The following VGLL3 variants were observed in gnomAD, a reference collection of about 807,000 sequenced individuals.
The protein encoded by VGLL3 is vestigial like family member 3, also known as transcription cofactor vestigial-like protein 3.
In VGLL3, 18 loss-of-function variants were observed where a neutral mutation model predicts 29.2. The ratio of observed to expected loss-of-function variants is 0.62; its 90% confidence interval spans 0.43 to 0.91. The LOEUF is 0.91. Among genes scored for constraint, VGLL3 ranks in the 40% least tolerant of loss-of-function variants. VGLL3 has a pLI of 0.00. For missense variants in VGLL3, 440 were observed against 413.2 expected (o/e 1.06, Z -0.56); for synonymous variants, 180 against 151.8 (o/e 1.19, Z -1.36).
chr3:86,967,040 C>T (rs1053025452), intron 3 of VGLL3, among the ~76,000 whole-genome samples: 5 of 151,674 alleles, frequency 3.3e-5, no homozygotes, highest in Admixed American at 6.6e-5. Context: ...GTGAATCAAG[C>T]TCACACCAAA....
At chr3:86,957,733 T>C (rs1027713413) in intron 3 of VGLL3, among the ~76,000 whole-genome samples, 2 of 152,212 alleles carry the variant, frequency 1.3e-5, no homozygotes, top group Non-Finnish European at 2.9e-5. Flanking sequence ...CCAGGATTTT[T>C]ATGAGCCCCT....
At chr3:86,973,809 A>G (rs1371293187) in intron 2 of VGLL3, among the ~76,000 whole-genome samples, 2 of 152,182 alleles carry the variant, frequency 1.3e-5, no homozygotes, top group Non-Finnish European at 2.9e-5. Context: ...AGCAGACCCT[A>G]TGTACATCAA....
intron 3 of VGLL3, among the ~76,000 whole-genome samples, chr3:86,967,685 G>A (rs1178522136): frequency 6.6e-6 from 1 of 152,248 alleles, no homozygotes; most frequent in Admixed American, 6.5e-5. Flanking sequence ...AAATGTTCTA[G>A]CAAAAGAACC....
intron 3 of VGLL3, chr3:86,962,575 T>C: frequency 1.0e-6 from 1 of 967,046 alleles, no homozygotes. Context: ...AATTTAAATT[T>C]AAATATTTTA....
In VGLL3 at chr3:86,978,692, G is replaced by C; in HGVS notation, c.237C>G (p.Ala79=). Residue 79 remains alanine, a synonymous_variant, in exon 2 of 4, where the codon GCC becomes GCG. Coordinates refer to ENST00000398399, the MANE Select transcript of VGLL3 (RefSeq NM_016206.4). ...EEEEEEKDQP[A]EMEYLNSRCV... Reference sequence around the variant, plus strand: ...AGCGAGAGTTAAGGTACTCCATCTCGGCAGGCTGGTCTTTCTCCTCCTCCT... The same window carrying C: ...AGCGAGAGTTAAGGTACTCCATCTCCGCAGGCTGGTCTTTCTCCTCCTCCT... The C allele has an allele frequency of 6.2e-7, 1 of 1,613,930 alleles. No homozygotes were observed. Among genetic ancestry groups the C allele is most frequent in the Non-Finnish European group, 8.5e-7 (1 of 1,179,976 alleles).
At chr3:86,977,401 T>G (rs907617954) in intron 2 of VGLL3, among the ~76,000 whole-genome samples, 2 of 152,168 alleles carry the variant, frequency 1.3e-5, no homozygotes, top group African/African-American at 4.8e-5. Flanking sequence ...CACTAGTCAC[T>G]GCTCACTGCT....
At chr3:86,952,463 C>T (rs573323706) in intron 3 of VGLL3, among the ~76,000 whole-genome samples, 9 of 151,786 alleles carry the variant, frequency 5.9e-5, no homozygotes, top group Middle Eastern at 3.4e-3. Context: ...AATTTTATTG[C>T]GGGAGATAAA....
intron 3 of VGLL3, among the ~76,000 whole-genome samples, chr3:86,956,187 T>C (rs769236464): frequency 2.0e-5 from 3 of 152,236 alleles, no homozygotes; most frequent in Non-Finnish European, 4.4e-5. Flanking sequence ...ATTTGAGCTG[T>C]TCCTTTAGAT....
intron 3 of VGLL3, chr3:86,962,954 G>A: frequency 5.6e-6 from 1 of 179,618 alleles, no homozygotes; most frequent in Non-Finnish European, 1.2e-5. Context: ...AATTAGCCGG[G>A]CGTGGTGGCA....
rs562743334 is a variant in VGLL3, at chr3:86,957,099, G to A, written c.938-10032C>T. On this transcript the variant is annotated intron_variant, in intron 3 of 3. Transcript: ENST00000398399. ...ATAATGGGATAGGTTTTTATTTTTA[G>A]TACCCTCTCATTCCACGTGGCAGGG... Among the ~76,000 whole-genome samples, 20 of 151,996 alleles carry A rather than the reference G, an allele frequency of 1.3e-4. No homozygotes were observed. The South Asian group carries it at 3.5e-3, about 27-fold the overall frequency.
rs1271105911 is a variant in VGLL3, at chr3:86,938,630, GTGT to G, written c.*8391_*8393del. On this transcript the variant is annotated 3_prime_UTR_variant, in exon 4 of 4. Coordinates refer to ENST00000398399, the MANE Select transcript of VGLL3 (RefSeq NM_016206.4). Reference sequence around the variant, plus strand: ...TGGAAAGTAAAACAGTTGTGCTTGAGTGTTGTTTCGAACAAAGTCTTGCAGCTC... The same window carrying G: ...TGGAAAGTAAAACAGTTGTGCTTGAGTGTTTCGAACAAAGTCTTGCAGCTC... 1.3e-5 allele frequency: 2 copies of G among 152,658 alleles called. No homozygotes were observed. Among genetic ancestry groups the G allele is most frequent in the Non-Finnish European group, 2.9e-5 (2 of 68,050 alleles). The allele number at this position is 152,658 out of a possible 1,614,324, so 9.5% of individuals were successfully genotyped here.
chr3:86,974,061 G>A (rs1034090347), intron 2 of VGLL3, among the ~76,000 whole-genome samples: 1 of 151,588 alleles, frequency 6.6e-6, no homozygotes, highest in Non-Finnish European at 1.5e-5. Context: ...TAGGAGAAGG[G>A]TATCAAGAAA....
At chr3:86,980,555 T>A (rs1253333316) in intron 1 of VGLL3, among the ~76,000 whole-genome samples, 1 of 152,150 alleles carries the variant, frequency 6.6e-6, no homozygotes, top group Non-Finnish European at 1.5e-5. Flanking sequence ...TTTCTCATAA[T>A]CTACCTCTGC....
At chr3:86,969,184 C>T in intron 2 of VGLL3, 61 bp from the exon 3 acceptor site, 1 of 1,496,722 alleles carries the variant, frequency 6.7e-7, no homozygotes, top group East Asian at 2.3e-5. Context: ...GATAGACTTG[C>T]CTCTAATTGT....
rs1396419439 is a variant in VGLL3, at chr3:86,944,971, TA to T, written c.*2052del. On this transcript the variant is annotated 3_prime_UTR_variant, in exon 4 of 4. Transcript: ENST00000398399. ...AGGACACAAGGCAAATCCAGATTTA[TA>T]AATTCACTAAATTTTGTGCTCCATG... 1 of 152,220 alleles carries T rather than the reference TA, an allele frequency of 6.6e-6. No individual in the cohort carries two copies. The highest frequency in any genetic ancestry group is 1.9e-4 in the East Asian group (1 of 5,194). 9.4% of individuals were successfully genotyped at this position (152,220 alleles called of 1,614,324 possible). A position where few individuals can be genotyped will look rare whatever the true frequency, so the allele number is the denominator to read the frequency against.
chr3:86,990,844 C>G lies in VGLL3; in HGVS notation c.-101G>C. The G allele has an allele frequency of 8.5e-7, 1 of 1,172,070 alleles. No homozygotes were observed. The highest frequency in any genetic ancestry group is 1.1e-6 in the Non-Finnish European group (1 of 942,118). The allele number at this position is 1,172,070 out of a possible 1,614,324, so 72.6% of individuals were successfully genotyped here. On this transcript the variant is annotated 5_prime_UTR_variant, in exon 1 of 4. Coordinates refer to ENST00000398399, the MANE Select transcript of VGLL3 (RefSeq NM_016206.4). The stretch of plus-strand genomic sequence containing the variant: ...GCCGCCGCAGCTGCCGCCTCTGTCG[C>G]TGCTCCAGCTGCTACTGCGGCGAAG...
intron 1 of VGLL3, among the ~76,000 whole-genome samples, chr3:86,986,487 C>T (rs1382150819): frequency 6.6e-6 from 1 of 152,126 alleles, no homozygotes; most frequent in Admixed American, 6.5e-5. Context: ...AGCTGTGGGG[C>T]ACTTTAAGTC....
chr3:86,977,223 G>A (rs1705227134), intron 2 of VGLL3, among the ~76,000 whole-genome samples: 1 of 152,050 alleles, frequency 6.6e-6, no homozygotes, highest in Admixed American at 6.6e-5. Flanking sequence ...AAGGAGAGGA[G>A]AGGAGAAGAG....
At chr3:86,984,871 A>G (rs183842591) in intron 1 of VGLL3, among the ~76,000 whole-genome samples, 2 of 152,328 alleles carry the variant, frequency 1.3e-5, no homozygotes, top group Admixed American at 6.5e-5. Flanking sequence ...TGGCATTATA[A>G]TCTCTAAGTG....
Sources: allele counts gnomAD v4.1 joint callset (sites outside exome capture counted in the v4.1 genomes callset), GRCh38; gene constraint gnomAD v4.1.1; transcripts MANE v1.5; gene names NCBI Gene and HGNC (gene_info 2026-07-23, HGNC 2026-07-21).